Variants in ACOT7 observed in about 807,000 individuals in gnomAD.
ACOT7 encodes cytosolic acyl coenzyme A thioester hydrolase.
ACOT7 carries 12 observed loss-of-function variants against 40.2 expected under a neutral mutation model. The ratio of observed to expected loss-of-function variants is 0.30; its 90% CI spans 0.19 to 0.48. ACOT7 has a LOEUF of 0.48. Among genes scored for constraint, ACOT7 ranks in the 20% least tolerant of loss-of-function variants. The pLI, the probability that ACOT7 is intolerant of heterozygous loss-of-function variation, is 0.99. For missense variants in ACOT7, 395 were observed against 530.8 expected, an observed-to-expected ratio of 0.74 and a Z score of 2.51; for synonymous variants, 228 against 219.5, an observed-to-expected ratio of 1.04 and a Z score of -0.34.
rs1571273103 is a variant in ACOT7 at position 6,288,305 on chromosome 1, T to A, written c.829+6559A>T. ...GCCTTTGGTGGGTGGGCACTTCCCA[T>A]TTCCCATGAGATCCAGTCGCACAGA... On this transcript the variant is annotated intron_variant, in intron 7 of 8. Coordinates refer to ENST00000361521, the MANE Select transcript of ACOT7 (RefSeq NM_007274.4). This position sits in a 1 kb window ranked among gnomAD's most constrained non-coding sequence, Gnocchi z 4.3. Among the ~76,000 whole-genome samples, 1 of 152,308 alleles carries A rather than the reference T, an allele frequency of 6.6e-6. No homozygotes were observed. The highest frequency in any genetic ancestry group is 1.9e-4 in the East Asian group (1 of 5,186).
intron 8 of ACOT7, 84 bp from the exon 9 acceptor site, chr1:6,264,779 C>G: frequency 7.0e-7 from 1 of 1,432,344 alleles, no homozygotes; most frequent in South Asian, 1.2e-5. Flanking sequence ...GGGGCCCTGC[C>G]CCCCACCCGT....
At chr1:6,296,166 A>G (rs1223055807) in intron 6 of ACOT7, among the ~76,000 whole-genome samples, 3 of 152,030 alleles carry the variant, frequency 2.0e-5, no homozygotes, top group Non-Finnish European at 2.9e-5. Flanking sequence ...AAGTGCTGGG[A>G]TTACAGTCGT....
At chr1:6,316,809 C>T (rs1175086929) in intron 6 of ACOT7, among the ~76,000 whole-genome samples, 2 of 152,126 alleles carry the variant, frequency 1.3e-5, no homozygotes, top group Non-Finnish European at 2.9e-5. Context: ...AGTGAGACTC[C>T]ATCTCATAGG....
chr1:6,309,191 A>C (rs1640262530), intron 6 of ACOT7, among the ~76,000 whole-genome samples: 1 of 152,236 alleles, frequency 6.6e-6, no homozygotes, highest in Non-Finnish European at 1.5e-5. Context: ...TCACACCCAC[A>C]TTCTGCAAAC....
At chr1:6,297,045 AT>A (rs965951603) in intron 6 of ACOT7, among the ~76,000 whole-genome samples, 15 of 148,168 alleles carry the variant, frequency 1.0e-4, no homozygotes, top group Non-Finnish European at 1.4e-4. Context: ...ACACAGAATG[AT>A]TTTTTTTTTT....
chr1:6,339,529 T>C lies in ACOT7; in HGVS notation c.322A>G (p.Ile108Val), dbSNP rs1204600566. 2 of 1,613,620 alleles carry C rather than the reference T, an allele frequency of 1.2e-6. No homozygotes were observed. Among genetic ancestry groups the C allele is most frequent in the South Asian group, 1.1e-5 (1 of 91,086 alleles). Reference protein sequence around the residue: ...ERTDFLSPMCIGEVAHVSAEI... With the variant: ...ERTDFLSPMCVGEVAHVSAEI... ...GCGCTGACATGCGCCACCTCACCGA[T>C]GCACATGGGAGACAGGAAGTCGGTG... Residue 108 changes from isoleucine (I) to valine (V), a missense_variant, in exon 3 of 9, where the codon ATC becomes GTC. Ile to Val is a conservative substitution (Grantham distance 29, BLOSUM62 3). Transcript: ENST00000361521.
At chr1:6,390,199 G>T (rs755658685) in intron 1 of ACOT7, among the ~76,000 whole-genome samples, 1 of 152,142 alleles carries the variant, frequency 6.6e-6, no homozygotes, top group Admixed American at 6.6e-5. Flanking sequence ...TGCACCTGAG[G>T]CTCACCTGCT....
chr1:6,273,742 C>A (rs1448355382), intron 8 of ACOT7, among the ~76,000 whole-genome samples: 2 of 152,268 alleles, frequency 1.3e-5, no homozygotes, highest in Non-Finnish European at 2.9e-5. Flanking sequence ...AGCCCGCACA[C>A]GGGCGCAGCG....
Position 6,292,753 on chromosome 1 carries a change from C to G in ACOT7, c.829+2111G>C, listed in dbSNP as rs189068034. On this transcript the variant is annotated intron_variant, in intron 7 of 8. Coordinates refer to ENST00000361521, the MANE Select transcript of ACOT7 (RefSeq NM_007274.4). ...CTGGAGTGTGGTGGTATAATCTTGG[C>G]TCGCTGCAACCTCCACCTCCTGGCT... Among the ~76,000 whole-genome samples, 11 of 150,704 alleles carry G rather than the reference C, an allele frequency of 7.3e-5. No individual in the cohort carries two copies. In the East Asian group the frequency reaches 2.1e-3, roughly 29 times the overall value.
chr1:6,328,068 G>A (rs992773707), intron 4 of ACOT7, among the ~76,000 whole-genome samples: 3 of 152,000 alleles, frequency 2.0e-5, no homozygotes, highest in Non-Finnish European at 2.9e-5. Context: ...CACCGTGCCC[G>A]GCCCCCGCTT....
intron 1 of ACOT7, among the ~76,000 whole-genome samples, chr1:6,357,377 C>G (rs565974427): frequency 1.3e-5 from 2 of 152,336 alleles, no homozygotes; most frequent in East Asian, 3.9e-4. Flanking sequence ...AGGTAAGGGT[C>G]TGGGGTATAG....
intron 2 of ACOT7, among the ~76,000 whole-genome samples, chr1:6,347,288 G>A (rs1332552507): frequency 1.3e-5 from 2 of 152,190 alleles, no homozygotes; most frequent in African/African-American, 4.8e-5. Context: ...AAGCCAATGT[G>A]TCAAAACTGT....
chr1:6,267,288 C>T (rs1239510989), intron 8 of ACOT7, among the ~76,000 whole-genome samples: 1 of 152,234 alleles, frequency 6.6e-6, no homozygotes, highest in African/African-American at 2.4e-5. Context: ...CAGCCACATG[C>T]TCTCAGGTAC....
At chr1:6,377,770 G>T (rs1642260870) in intron 1 of ACOT7, among the ~76,000 whole-genome samples, 1 of 152,102 alleles carries the variant, frequency 6.6e-6, no homozygotes. Flanking sequence ...ATCAAAGTTT[G>T]GCACTTACTG....
intron 8 of ACOT7, among the ~76,000 whole-genome samples, chr1:6,279,707 G>A (rs150564482): frequency 3.9e-5 from 6 of 152,300 alleles, no homozygotes; most frequent in Non-Finnish European, 7.4e-5. Flanking sequence ...CAACTCCAGC[G>A]AAGAGCTGGC....
At chr1:6,310,627 C>T (rs1013315035) in intron 6 of ACOT7, among the ~76,000 whole-genome samples, 12 of 152,240 alleles carry the variant, frequency 7.9e-5, no homozygotes, top group African/African-American at 2.9e-4. Context: ...ATCAGAGCCA[C>T]CCAGGGCACT....
intron 6 of ACOT7, among the ~76,000 whole-genome samples, chr1:6,305,307 T>C (rs1427144035): frequency 5.2e-5 from 6 of 115,500 alleles, no homozygotes; most frequent in South Asian, 3.0e-4. Context: ...GGCTCCTCAC[T>C]TCCCAGTAGG....
intron 1 of ACOT7, among the ~76,000 whole-genome samples, chr1:6,351,772 G>A (rs1271278795): frequency 2.0e-5 from 3 of 152,236 alleles, no homozygotes; most frequent in Non-Finnish European, 4.4e-5. Context: ...CAGCAGGCTG[G>A]CCCCCAGGAA....
intron 1 of ACOT7, among the ~76,000 whole-genome samples, chr1:6,372,278 G>C (rs994655787): frequency 1.6e-4 from 24 of 152,100 alleles, no homozygotes; most frequent in African/African-American, 5.6e-4. Context: ...AGAGAGTTAC[G>C]GCCTTGCTCT....
Sources: gnomAD v4.1 joint callset for allele counts (sites outside exome capture counted in the v4.1 genomes callset) on GRCh38, gnomAD v4.1.1 for gene constraint, Gnocchi (gnomAD v3.1) non-coding constraint, MANE v1.5 for transcripts, NCBI Gene and HGNC (gene_info 2026-07-23, HGNC 2026-07-21) for gene names.